The following XYLB variants were observed in gnomAD, a reference collection of about 807,000 sequenced individuals.
XYLB encodes the protein xylulokinase.
A neutral mutation model predicts 78.7 loss-of-function variants in XYLB; 62 were observed. The ratio of observed to expected loss-of-function variants is 0.79; its 90% CI spans 0.64 to 0.97. The LOEUF is 0.97. Among genes scored for constraint, XYLB ranks in the 50% least tolerant of loss-of-function variants. XYLB has a pLI of 0.00. For missense variants in XYLB, 687 were observed against 676.8 expected, an observed-to-expected ratio of 1.02 and a Z score of -0.17; for synonymous variants, 245 against 247.4, an observed-to-expected ratio of 0.99 and a Z score of 0.09.
chr3:38,382,322 A>G (rs1247598620), intron 15 of XYLB, among the ~76,000 whole-genome samples: 7 of 152,270 alleles, frequency 4.6e-5, no homozygotes, highest in Non-Finnish European at 1.5e-5. Context: ...AAAAAATAAA[A>G]AAAGCAGATG....
chr3:38,389,451 G>A (rs1394505351), intron 15 of XYLB, among the ~76,000 whole-genome samples: 1 of 152,098 alleles, frequency 6.6e-6, no homozygotes, highest in Non-Finnish European at 1.5e-5. Flanking sequence ...TTCTCAATGA[G>A]CTGTTGGGTA....
chr3:38,425,225 T>G (rs1204464580), downstream of XYLB, among the ~76,000 whole-genome samples: 1 of 152,232 alleles, frequency 6.6e-6, no homozygotes. Context: ...CTGCCTGTAT[T>G]AAATGGCATC....
chr3:38,369,334 A>G (rs1039421499), intron 8 of XYLB, among the ~76,000 whole-genome samples: 1 of 152,196 alleles, frequency 6.6e-6, no homozygotes, highest in Non-Finnish European at 1.5e-5. Flanking sequence ...CCCGTTCTGC[A>G]CACCTGCCAC....
intron 2 of XYLB, chr3:38,355,862 T>A: frequency 1.4e-6 from 1 of 694,580 alleles, no homozygotes; most frequent in Non-Finnish European, 2.6e-6. Context: ...CTGATTGTGC[T>A]TTACATGAGG....
At chr3:38,450,185 T>C in the XYLB span, among the ~76,000 whole-genome samples, 1 of 152,208 alleles carries the variant, frequency 6.6e-6, no homozygotes. Flanking sequence ...AGTGAATGTC[T>C]AACCAGGGCC....
the XYLB span, among the ~76,000 whole-genome samples, chr3:38,445,547 T>A: frequency 6.6e-5 from 10 of 152,198 alleles, no homozygotes; most frequent in African/African-American, 2.4e-4. Context: ...ATAGGATAGA[T>A]GGGCAAGTGT....
downstream of XYLB, among the ~76,000 whole-genome samples, chr3:38,423,647 G>A (rs1023458058): frequency 1.3e-5 from 2 of 152,206 alleles, no homozygotes; most frequent in Admixed American, 1.3e-4. Context: ...GTTGCCACAA[G>A]GCATGTTAAA....
At chr3:38,402,886 G>A (rs1708172712) in intron 18 of XYLB, among the ~76,000 whole-genome samples, 1 of 152,036 alleles carries the variant, frequency 6.6e-6, no homozygotes, top group Admixed American at 6.5e-5. Context: ...ATATTCGGTT[G>A]CCTCATTTTT....
intron 15 of XYLB, among the ~76,000 whole-genome samples, chr3:38,381,435 C>T (rs929921649): frequency 6.6e-6 from 1 of 152,044 alleles, no homozygotes; most frequent in African/African-American, 2.4e-5. Context: ...AGTGTGGGCA[C>T]CTTGAAAAAA....
downstream of XYLB, among the ~76,000 whole-genome samples, chr3:38,417,113 A>G (rs1390747233): frequency 1.3e-5 from 2 of 152,236 alleles, no homozygotes; most frequent in Non-Finnish European, 1.5e-5. Flanking sequence ...TAATGAATAT[A>G]TGTTGAACTT....
At chr3:38,434,151 T>G in the XYLB span, among the ~76,000 whole-genome samples, 1 of 152,208 alleles carries the variant, frequency 6.6e-6, no homozygotes, top group Non-Finnish European at 1.5e-5. Flanking sequence ...GAAAACCATC[T>G]CCATGTTTCA....
intron 17 of XYLB, among the ~76,000 whole-genome samples, chr3:38,398,107 C>T (rs890707750): frequency 1.8e-4 from 27 of 151,644 alleles, no homozygotes; most frequent in African/African-American, 5.1e-4. Context: ...CGTGAGCCAC[C>T]GCACCCGGCC....
At chr3:38,378,104 C>T (rs1371730815) in intron 14 of XYLB, among the ~76,000 whole-genome samples, 1 of 152,212 alleles carries the variant, frequency 6.6e-6, no homozygotes, top group Non-Finnish European at 1.5e-5. Flanking sequence ...GCGTTGGATT[C>T]AGTGGCAGAT....
intron 18 of XYLB, among the ~76,000 whole-genome samples, chr3:38,411,035 A>G (rs1708559882): frequency 6.6e-6 from 1 of 152,030 alleles, no homozygotes; most frequent in African/African-American, 2.4e-5. Context: ...TACTAGGTAT[A>G]TACCCAAAGG....
At chr3:38,416,962 A>G (rs1345625205), downstream of XYLB, among the ~76,000 whole-genome samples, 1 of 152,242 alleles carries the variant, frequency 6.6e-6, no homozygotes, top group Non-Finnish European at 1.5e-5. Context: ...ATAACAAATT[A>G]TGCAAGGAAA....
Position 38,413,953 on chromosome 3 carries a change from T to A in XYLB, c.*940T>A, listed in dbSNP as rs1708702578. On this transcript the variant is annotated 3_prime_UTR_variant, in exon 19 of 19. Coordinates refer to ENST00000207870, the MANE Select transcript of XYLB (RefSeq NM_005108.4). ...ATCAGCTGAAAAGTGATTCTCACTT[T>A]GAGTTTTCTTCCTATATTTGTATAG... The A allele has an allele frequency of 6.6e-6, 1 of 152,246 alleles. No individual in the cohort carries two copies. 9.4% of individuals were successfully genotyped at this position (152,246 alleles called of 1,614,324 possible).
intron 3 of XYLB, among the ~76,000 whole-genome samples, chr3:38,361,052 A>C (rs526142): frequency 1.3e-5 from 2 of 152,200 alleles, no homozygotes; most frequent in Admixed American, 6.5e-5. Context: ...AAAGAAAAAA[A>C]AGAAATACAA....
intron 6 of XYLB, 37 bp from the exon 7 acceptor site, chr3:38,366,771 G>C: frequency 7.1e-7 from 1 of 1,403,018 alleles, no homozygotes; most frequent in Non-Finnish European, 1.0e-6. Flanking sequence ...ATTCTGTGTA[G>C]GATTTGGGTT....
intron 4 of XYLB, 78 bp from the exon 5 acceptor site, chr3:38,365,121 C>A: frequency 7.4e-7 from 1 of 1,356,848 alleles, no homozygotes; most frequent in South Asian, 1.2e-5. Flanking sequence ...GGCATGTGGT[C>A]TGGGGTCTTT....
Sources: allele counts gnomAD v4.1 joint callset (sites outside exome capture counted in the v4.1 genomes callset), GRCh38; gene constraint gnomAD v4.1.1; transcripts MANE v1.5; gene names NCBI Gene and HGNC (gene_info 2026-07-23, HGNC 2026-07-21).